Variants in DSCAM observed in about 807,000 individuals in gnomAD.
DSCAM encodes DS cell adhesion molecule, also known as cell adhesion molecule DSCAM.
In DSCAM, 47 loss-of-function variants were observed where a neutral mutation model predicts 217.7. The ratio of observed to expected loss-of-function variants is 0.22; its 90% CI spans 0.17 to 0.28. The LOEUF is 0.28. Ranked by LOEUF, DSCAM falls within the 10% of genes least tolerant of loss-of-function variation. The probability of loss-of-function intolerance (pLI) is 1.00; values close to 1 mark genes in which losing one functional copy is unlikely to be tolerated. For synonymous variants in DSCAM, 1,056 were observed against 1,015.3 expected (o/e 1.04, Z -0.76); for missense variants, 2,080 against 2,618.3 (o/e 0.79, Z 4.49).
At chr21:40,392,815 A>C (rs563698606) in intron 3 of DSCAM, among the ~76,000 whole-genome samples, 4 of 152,206 alleles carry the variant, frequency 2.6e-5, no homozygotes, top group African/African-American at 9.6e-5. Flanking sequence ...TCCACAACTC[A>C]GTGAAATTTT....
At chr21:40,659,390 T>TATCTA (rs1476649713) in intron 3 of DSCAM, among the ~76,000 whole-genome samples, 2 of 137,474 alleles carry the variant, frequency 1.5e-5, no homozygotes, top group Non-Finnish European at 3.1e-5. Flanking sequence ...TCTATCTATC[T>TATCTA]ATCATCTCTC....
intron 18 of DSCAM, 90 bp downstream of exon 18, chr21:40,142,468 T>G: frequency 3.1e-5 from 45 of 1,463,214 alleles, no homozygotes; most frequent in Non-Finnish European, 3.7e-5. Context: ...CGCCATATCC[T>G]GAGCCCCTTG....
At chr21:40,745,565 T>G (rs985483874) in intron 1 of DSCAM, among the ~76,000 whole-genome samples, 1 of 152,118 alleles carries the variant, frequency 6.6e-6, no homozygotes, top group Non-Finnish European at 1.5e-5. Flanking sequence ...AAATGTATCC[T>G]TCAAACACAA....
intron 16 of DSCAM, among the ~76,000 whole-genome samples, chr21:40,161,167 C>A (rs1366526954): frequency 1.3e-5 from 2 of 152,160 alleles, no homozygotes; most frequent in Non-Finnish European, 1.5e-5. Flanking sequence ...GTTGAGGAGA[C>A]CTGCCGGACC....
chr21:40,024,455 T>G lies in DSCAM; in HGVS notation c.5687-11069A>C, dbSNP rs531864881. On this transcript the variant is annotated intron_variant, in intron 32 of 32. Transcript: ENST00000400454. ...GATGGCACTGAATCTGTAAATTACC[T>G]TGGGCAGTATGGCCATTTTCACGAT... 1.5e-3 allele frequency among the ~76,000 whole-genome samples: 114 copies of G among 77,376 alleles called. 43 individuals are homozygous for G. The highest frequency in any genetic ancestry group is 6.8e-3 in the Middle Eastern group (1 of 148). 50.8% of individuals were successfully genotyped at this position (77,376 alleles called of 152,430 possible).
At chr21:40,764,756 A>T (rs1046156720) in intron 1 of DSCAM, among the ~76,000 whole-genome samples, 1 of 151,882 alleles carries the variant, frequency 6.6e-6, no homozygotes, top group African/African-American at 2.4e-5. Flanking sequence ...TACACCATGG[A>T]ATACTATGCA....
rs183832349 is a variant in DSCAM, at chr21:40,591,650, G to A, written c.508+101160C>T. Among the ~76,000 whole-genome samples the A allele has an allele frequency of 2.5e-3, 375 of 152,278 alleles. 7 individuals carry two copies. Among genetic ancestry groups the A allele is most frequent in the Admixed American group, 0.023 (349 of 15,284 alleles). ...ATGAGTTTGGAAAGAACAAAGTGAGGTAACAAGGTATAAATATACATAAAC... is the reference window on the plus strand; with the variant it reads ...ATGAGTTTGGAAAGAACAAAGTGAGATAACAAGGTATAAATATACATAAAC... On this transcript the variant is annotated intron_variant, in intron 3 of 32. Coordinates refer to ENST00000400454, the MANE Select transcript of DSCAM (RefSeq NM_001389.5).
intron 3 of DSCAM, among the ~76,000 whole-genome samples, chr21:40,391,968 C>G (rs922406083): frequency 1.3e-5 from 2 of 152,288 alleles, no homozygotes; most frequent in Admixed American, 6.5e-5. Flanking sequence ...TGAAAAAGAG[C>G]ATGGAGTTCG....
intron 3 of DSCAM, among the ~76,000 whole-genome samples, chr21:40,418,916 T>G (rs2075397037): frequency 6.6e-6 from 1 of 152,104 alleles, no homozygotes; most frequent in Non-Finnish European, 1.5e-5. Context: ...TTCAACCTAT[T>G]TTTTTCCAAA....
At chr21:40,319,167 T>C (rs1014512211) in intron 8 of DSCAM, among the ~76,000 whole-genome samples, 1 of 152,202 alleles carries the variant, frequency 6.6e-6, no homozygotes, top group African/African-American at 2.4e-5. Context: ...TTTGAGTATA[T>C]TTTGATAAAT....
At chr21:40,549,502 T>A (rs1411377494) in intron 3 of DSCAM, among the ~76,000 whole-genome samples, 1 of 152,186 alleles carries the variant, frequency 6.6e-6, no homozygotes, top group East Asian at 1.9e-4. Context: ...TCTCTCAGCA[T>A]CCATATGACC....
intron 8 of DSCAM, among the ~76,000 whole-genome samples, chr21:40,326,451 C>T (rs73371772): frequency 0.029 from 4,380 of 152,244 alleles, 189 homozygotes; most frequent in African/African-American, 0.096. Flanking sequence ...TGCTGAACTT[C>T]GTTGCATACA....
chr21:40,110,558 T>C (rs2089884318), intron 20 of DSCAM, among the ~76,000 whole-genome samples: 1 of 152,146 alleles, frequency 6.6e-6, no homozygotes. Flanking sequence ...AGAACAAAGC[T>C]GGATGGAAGA....
At position 40,574,706 on chromosome 21, in the gene DSCAM, ATTT is replaced by A. The variant is rs35778831; in HGVS notation, c.508+118101_508+118103del. Among the ~76,000 whole-genome samples, 433 of 127,578 alleles carry A rather than the reference ATTT, an allele frequency of 3.4e-3. 1 individual carries two copies. The highest frequency in any genetic ancestry group is 4.1e-3 in the Middle Eastern group (1 of 244). The allele number at this position is 127,578 out of a possible 152,430, so 83.7% of individuals were successfully genotyped here. ...AAAAGAGAATCACATAAGGTGCCTG[ATTT>A]TTTTTTTTTTTTTTTTTGAGACGGA... On this transcript the variant is annotated intron_variant, in intron 3 of 32. Transcript: ENST00000400454.
intron 16 of DSCAM, among the ~76,000 whole-genome samples, chr21:40,151,306 A>C (rs2090420994): frequency 6.6e-6 from 1 of 152,070 alleles, no homozygotes; most frequent in Non-Finnish European, 1.5e-5. Context: ...CCAGCTCACC[A>C]GGGCTCTTCC....
chr21:40,690,819 C>G (rs570692582), intron 3 of DSCAM, among the ~76,000 whole-genome samples: 23 of 152,274 alleles, frequency 1.5e-4, no homozygotes, highest in African/African-American at 5.5e-4. Flanking sequence ...TATGCATAAC[C>G]AAAGAGATTC....
chr21:40,539,493 C>A (rs2076527090), intron 3 of DSCAM, among the ~76,000 whole-genome samples: 1 of 148,938 alleles, frequency 6.7e-6, no homozygotes, highest in African/African-American at 2.5e-5. Flanking sequence ...GAGACTCCAT[C>A]TCAAAAAAAA....
chr21:40,517,424 C>T (rs1342013099), intron 3 of DSCAM, among the ~76,000 whole-genome samples: 1 of 151,622 alleles, frequency 6.6e-6, no homozygotes, highest in African/African-American at 2.4e-5. Flanking sequence ...CACACACACA[C>T]ACACACACAC....
chr21:40,198,486 C>G (rs2091038126), intron 11 of DSCAM, among the ~76,000 whole-genome samples: 1 of 152,194 alleles, frequency 6.6e-6, no homozygotes, highest in African/African-American at 2.4e-5. Flanking sequence ...TCAGGCCTCT[C>G]TCAGTCGAAT....
Sources: gnomAD v4.1 joint callset for allele counts (sites outside exome capture counted in the v4.1 genomes callset) on GRCh38, gnomAD v4.1.1 for gene constraint, MANE v1.5 for transcripts, NCBI Gene and HGNC (gene_info 2026-07-23, HGNC 2026-07-21) for gene names.